ENTREP2: variants seen among roughly 807,000 people sequenced by gnomAD.
The protein encoded by ENTREP2 is protein ENTREP2.
the ENTREP2 span, chr15:29,120,724 G>A: frequency 6.6e-6 from 1 of 152,334 alleles, no homozygotes; most frequent in Non-Finnish European, 1.5e-5. Flanking sequence ...AGCCACAGTT[G>A]GCCCATTTCA....
chr15:29,379,810 G>A, the ENTREP2 span, among the ~76,000 whole-genome samples: 6 of 152,108 alleles, frequency 3.9e-5, no homozygotes, highest in African/African-American at 1.4e-4. Flanking sequence ...ATTGGGTGAT[G>A]GACGTCATTT....
the ENTREP2 span, among the ~76,000 whole-genome samples, chr15:29,482,707 T>C: frequency 1.3e-5 from 2 of 152,262 alleles, no homozygotes; most frequent in Non-Finnish European, 2.9e-5. Context: ...TTCCACTGTT[T>C]GGATATCTCA....
the ENTREP2 span, among the ~76,000 whole-genome samples, chr15:29,169,829 A>G: frequency 6.6e-6 from 1 of 152,174 alleles, no homozygotes; most frequent in African/African-American, 2.4e-5. Context: ...ATTGCTGCCA[A>G]TATCACTTCT....
the ENTREP2 span, among the ~76,000 whole-genome samples, chr15:29,411,068 C>A: frequency 6.6e-6 from 1 of 152,200 alleles, no homozygotes; most frequent in African/African-American, 2.4e-5. Flanking sequence ...CAGGCATGAG[C>A]CACTGCGCCT....
At chr15:29,652,404 C>T in the ENTREP2 span, among the ~76,000 whole-genome samples, 2 of 152,338 alleles carry the variant, frequency 1.3e-5, no homozygotes, top group Middle Eastern at 6.8e-3. Context: ...CTGCATGCCT[C>T]AGTCTTCCTG....
chr15:29,660,947 TCCTCTGGCAGTCCTGGAACCAATCCC>T, the ENTREP2 span, among the ~76,000 whole-genome samples: 31 of 152,312 alleles, frequency 2.0e-4, no homozygotes, highest in Non-Finnish European at 8.8e-5. Context: ...GATTTGGGTA[TCCTCTGGCAGTCCTGGAACCAATCCC>T]CCTCAGATAC....
chr15:29,135,922 A>C, the ENTREP2 span, among the ~76,000 whole-genome samples: 1 of 151,808 alleles, frequency 6.6e-6, no homozygotes, highest in South Asian at 2.1e-4. This position sits in a 1 kb window ranked among gnomAD's most constrained non-coding sequence, Gnocchi z 7.4. Flanking sequence ...CGGTCCATGG[A>C]CCCAGCTCTG....
chr15:29,454,740 T>A, the ENTREP2 span, among the ~76,000 whole-genome samples: 1 of 151,988 alleles, frequency 6.6e-6, no homozygotes, highest in Non-Finnish European at 1.5e-5. Flanking sequence ...TCCCCAGTGG[T>A]CCCTGGAGAT....
chr15:29,423,426 C>T, the ENTREP2 span, among the ~76,000 whole-genome samples: 1 of 152,164 alleles, frequency 6.6e-6, no homozygotes, highest in Non-Finnish European at 1.5e-5. Flanking sequence ...AATTCACCCA[C>T]ACCACCATAC....
At chr15:29,325,073 C>T in the ENTREP2 span, among the ~76,000 whole-genome samples, 13 of 152,108 alleles carry the variant, frequency 8.5e-5, no homozygotes, top group Non-Finnish European at 1.3e-4. Context: ...GATTTTAAAA[C>T]ACATTTCTAA....
At chr15:29,502,505 A>G in the ENTREP2 span, among the ~76,000 whole-genome samples, 1 of 152,020 alleles carries the variant, frequency 6.6e-6, no homozygotes, top group Non-Finnish European at 1.5e-5. Flanking sequence ...AAGCATAGAT[A>G]TAAATCTGTG....
At chr15:29,644,172 G>A in the ENTREP2 span, among the ~76,000 whole-genome samples, 1 of 152,162 alleles carries the variant, frequency 6.6e-6, no homozygotes, top group Non-Finnish European at 1.5e-5. Flanking sequence ...CTAAGTGAAG[G>A]AAACTCGTTC....
the ENTREP2 span, among the ~76,000 whole-genome samples, chr15:29,188,303 G>C: frequency 6.6e-6 from 1 of 152,026 alleles, no homozygotes. Flanking sequence ...ATGCAGGTTT[G>C]TTACATGTGT....
chr15:29,621,604 A>C, the ENTREP2 span, among the ~76,000 whole-genome samples: 105 of 150,988 alleles, frequency 7.0e-4, no homozygotes, highest in Non-Finnish European at 1.4e-3. Context: ...AAAAAAAAAA[A>C]AAAACCCAGA....
chr15:29,271,693 G>C, the ENTREP2 span, among the ~76,000 whole-genome samples: 2 of 152,130 alleles, frequency 1.3e-5, no homozygotes, highest in East Asian at 3.9e-4. Flanking sequence ...GATCAATCAC[G>C]ACCCTTTCAT....
chr15:29,194,382 C>A, the ENTREP2 span, among the ~76,000 whole-genome samples: 2 of 152,230 alleles, frequency 1.3e-5, no homozygotes. Flanking sequence ...CAACTCCTGC[C>A]TCCTTTGAGC....
the ENTREP2 span, among the ~76,000 whole-genome samples, chr15:29,155,053 T>C: frequency 2.1e-4 from 31 of 150,654 alleles, no homozygotes; most frequent in East Asian, 4.0e-4. Context: ...GAGGCCAAGG[T>C]GGGTGGATCA....
chr15:29,322,182 G>T, the ENTREP2 span, among the ~76,000 whole-genome samples: 18 of 152,126 alleles, frequency 1.2e-4, no homozygotes, highest in African/African-American at 4.1e-4. Context: ...TATGTATTAT[G>T]CACATCATGT....
the ENTREP2 span, among the ~76,000 whole-genome samples, chr15:29,599,631 T>C: frequency 3.3e-5 from 5 of 152,194 alleles, no homozygotes; most frequent in African/African-American, 1.2e-4. Flanking sequence ...TAATCCCTAC[T>C]TTGTCCAAAT....
Sources: allele counts gnomAD v4.1 joint callset (sites outside exome capture counted in the v4.1 genomes callset), GRCh38; gene constraint gnomAD v4.1.1; non-coding constraint Gnocchi (gnomAD v3.1); transcripts MANE v1.5; gene names NCBI Gene and HGNC (gene_info 2026-07-23, HGNC 2026-07-21).